The following TIMP2 variants were observed in gnomAD, a reference collection of about 807,000 sequenced individuals.
TIMP2 encodes metalloproteinase inhibitor 2.
In TIMP2, 5 loss-of-function variants were observed where a neutral mutation model predicts 24.3. The observed-to-expected ratio is 0.21, with a 90% CI of 0.11 to 0.43. The LOEUF (loss-of-function observed/expected upper bound fraction) is 0.43, where lower values mean the gene tolerates loss of function less well. Among genes scored for constraint, TIMP2 ranks in the 20% least tolerant of loss-of-function variants. The pLI is 1.00. For missense variants in TIMP2, 221 were observed against 297.5 expected, an observed-to-expected ratio of 0.74 and a Z score of 1.89; for synonymous variants, 130 against 123.2, an observed-to-expected ratio of 1.06 and a Z score of -0.37.
At chr17:78,881,413 T>C (rs4789942) in intron 1 of TIMP2, among the ~76,000 whole-genome samples, 119,994 of 151,802 alleles carry the variant, frequency 0.79, 47,777 homozygotes, top group Admixed American at 0.83. Context: ...CCCACATCAC[T>C]AGTGGGTGGG....
chr17:78,910,770 A>G (rs2070200364), intron 1 of TIMP2, among the ~76,000 whole-genome samples: 1 of 152,030 alleles, frequency 6.6e-6, no homozygotes, highest in Admixed American at 6.6e-5. Flanking sequence ...AAATGACAAG[A>G]TTTCATTCTG....
intron 1 of TIMP2, among the ~76,000 whole-genome samples, chr17:78,877,341 G>A (rs2069736254): frequency 6.6e-6 from 1 of 152,218 alleles, no homozygotes; most frequent in South Asian, 2.1e-4. Context: ...CACTTCGGGA[G>A]GCCGAGGCGG....
chr17:78,918,065 A>ACACACGC (rs1555652947), intron 1 of TIMP2, among the ~76,000 whole-genome samples: 3 of 144,812 alleles, frequency 2.1e-5, no homozygotes, highest in Non-Finnish European at 4.5e-5. Flanking sequence ...TGCACACACA[A>ACACACGC]ACACACACAC....
At chr17:78,874,942 TG>T (rs1289924186) in intron 1 of TIMP2, among the ~76,000 whole-genome samples, 2 of 152,176 alleles carry the variant, frequency 1.3e-5, no homozygotes, top group African/African-American at 4.8e-5. Context: ...CGTTTCGCCA[TG>T]TTGGCCAGGC....
chr17:78,903,673 C>T (rs930359396), intron 1 of TIMP2, among the ~76,000 whole-genome samples: 33 of 152,296 alleles, frequency 2.2e-4, no homozygotes, highest in South Asian at 1.0e-3. Flanking sequence ...CCTGCCCACA[C>T]AGGAGGAGAA....
At chr17:78,892,086 A>T (rs1365675995) in intron 1 of TIMP2, 1 of 1,551,722 alleles carries the variant, frequency 6.4e-7, no homozygotes. Context: ...CCTCCTCCCC[A>T]GCCCAACAGA....
chr17:78,885,467 G>A (rs1035747303), intron 1 of TIMP2, among the ~76,000 whole-genome samples: 3 of 152,216 alleles, frequency 2.0e-5, no homozygotes, highest in East Asian at 1.9e-4. Context: ...ACACCCTTCC[G>A]GGTGGCTCCA....
chr17:78,863,403 T>C (rs902507546), intron 3 of TIMP2, among the ~76,000 whole-genome samples: 2 of 152,028 alleles, frequency 1.3e-5, no homozygotes, highest in Non-Finnish European at 2.9e-5. Context: ...CCACCATGCC[T>C]GGCTAATTTT....
chr17:78,890,613 T>G, intron 1 of TIMP2: 1 of 1,543,128 alleles, frequency 6.5e-7, no homozygotes, highest in Non-Finnish European at 8.8e-7. Flanking sequence ...CAGTGATGTA[T>G]TTACCCCGGG....
chr17:78,881,135 T>G (rs528506788), intron 1 of TIMP2, among the ~76,000 whole-genome samples: 1 of 152,240 alleles, frequency 6.6e-6, no homozygotes, highest in Non-Finnish European at 1.5e-5. Context: ...GCACCTTGTG[T>G]GCACACTGAC....
intron 1 of TIMP2, among the ~76,000 whole-genome samples, chr17:78,887,109 CAA>C (rs535169513): frequency 6.6e-6 from 1 of 152,184 alleles, no homozygotes; most frequent in African/African-American, 2.4e-5. Context: ...AAAGCAAAAA[CAA>C]AAGAGTCTTG....
intron 1 of TIMP2, among the ~76,000 whole-genome samples, chr17:78,909,167 G>A (rs1568006933): frequency 6.6e-6 from 1 of 152,114 alleles, no homozygotes; most frequent in Non-Finnish European, 1.5e-5. Context: ...GGGCAACATA[G>A]CAAGATCTGG....
intron 3 of TIMP2, among the ~76,000 whole-genome samples, chr17:78,868,904 C>T (rs1189335944): frequency 6.6e-6 from 1 of 152,092 alleles, no homozygotes; most frequent in African/African-American, 2.4e-5. Flanking sequence ...GTCCAGAGAC[C>T]CCGCGACTGG....
At chr17:78,884,361 C>T (rs1225696289) in intron 1 of TIMP2, among the ~76,000 whole-genome samples, 1 of 152,204 alleles carries the variant, frequency 6.6e-6, no homozygotes, top group Admixed American at 6.5e-5. Flanking sequence ...GAGGTCCGGG[C>T]CCAGGCTTCA....
chr17:78,924,975 A>G lies in TIMP2; in HGVS notation c.114T>C (p.Phe38=). Reference sequence around the variant, plus strand: ...GCTCCTTACCTACATCTGCATTGCAAAACGCCTGTTGCGGGTGCACCGGGG... The same window carrying G: ...GCTCCTTACCTACATCTGCATTGCAGAACGCCTGTTGCGGGTGCACCGGGG... ...SCSPVHPQQA[F]CNADVVIRAK... The change falls in exon 1 of 5, where the codon TTT becomes TTC. Residue 38 remains phenylalanine, a synonymous_variant. Coordinates refer to ENST00000262768, the MANE Select transcript of TIMP2 (RefSeq NM_003255.5). This position sits in a 1 kb window ranked among gnomAD's most constrained non-coding sequence, Gnocchi z 5.3. 1 of 1,299,962 alleles carries G rather than the reference A, an allele frequency of 7.7e-7. No individual in the cohort carries two copies. The highest frequency in any genetic ancestry group is 9.9e-7 in the Non-Finnish European group (1 of 1,014,354). The allele number at this position is 1,299,962 out of a possible 1,614,324, so 80.5% of individuals were successfully genotyped here.
At chr17:78,897,732 C>T (rs565865850) in intron 1 of TIMP2, 1 of 152,294 alleles carries the variant, frequency 6.6e-6, no homozygotes. Context: ...AAGGCATGAA[C>T]TGGCCCCTCC....
In TIMP2 at chr17:78,855,516, A is replaced by G. The variant is rs1599142713; in HGVS notation, c.*151T>C. The G allele has an allele frequency of 1.1e-6, 1 of 945,240 alleles. No homozygotes were observed. The highest frequency in any genetic ancestry group is 1.7e-5 in the South Asian group (1 of 59,826). The allele number at this position is 945,240 out of a possible 1,614,324, so 58.6% of individuals were successfully genotyped here. On this transcript the variant is annotated 3_prime_UTR_variant, in exon 5 of 5. Coordinates refer to ENST00000262768, the MANE Select transcript of TIMP2 (RefSeq NM_003255.5). The surrounding 1 kb of genome is among the most constrained non-coding windows in gnomAD (Gnocchi z 6.0). ...CCTCCAGACCCACAACCATGTCTAAAAGGAGAAGGGGGGAGCAGAATCATA... is the reference window on the plus strand; with the variant it reads ...CCTCCAGACCCACAACCATGTCTAAGAGGAGAAGGGGGGAGCAGAATCATA...
chr17:78,910,960 T>C (rs1183821440), intron 1 of TIMP2, among the ~76,000 whole-genome samples: 1 of 152,230 alleles, frequency 6.6e-6, no homozygotes, highest in African/African-American at 2.4e-5. Flanking sequence ...ACTGATTCCC[T>C]TTCCTTTGGA....
chr17:78,862,668 T>C (rs2069577340), intron 3 of TIMP2, among the ~76,000 whole-genome samples: 1 of 152,262 alleles, frequency 6.6e-6, no homozygotes, highest in African/African-American at 2.4e-5. Flanking sequence ...GTAGTGGGCA[T>C]AGCGCCCAAT....
Sources: allele counts gnomAD v4.1 joint callset (sites outside exome capture counted in the v4.1 genomes callset), GRCh38; gene constraint gnomAD v4.1.1; non-coding constraint Gnocchi (gnomAD v3.1); transcripts MANE v1.5; gene names NCBI Gene and HGNC (gene_info 2026-07-23, HGNC 2026-07-21).